Variants in OPCML observed in about 807,000 individuals in gnomAD.
OPCML encodes the protein opioid-binding protein/cell adhesion molecule.
Under a neutral mutation model 37.8 loss-of-function variants are expected in OPCML, and 13 were observed. The ratio of observed to expected loss-of-function variants is 0.34; its 90% CI spans 0.22 to 0.55. The LOEUF (loss-of-function observed/expected upper bound fraction) is 0.55. OPCML is among the 20% of genes least tolerant of loss of function. OPCML has a pLI of 0.91. For synonymous variants in OPCML, 176 were observed against 168.8 expected, an observed-to-expected ratio of 1.04 and a Z score of -0.33; for missense variants, 341 against 435.6, an observed-to-expected ratio of 0.78 and a Z score of 1.93.
At position 133,206,286 on chromosome 11, in the gene OPCML, C is replaced by T. The variant is rs1269236858; in HGVS notation, c.62-263276G>A. Reference sequence around the variant, plus strand: ...GTGATTAAAGACAGTGAGCAGAACTCGCCATACTGAGGTCTGTTCCTGTTT... The same window carrying T: ...GTGATTAAAGACAGTGAGCAGAACTTGCCATACTGAGGTCTGTTCCTGTTT... On this transcript the variant is annotated intron_variant, in intron 1 of 7. Transcript: ENST00000524381. The surrounding 1 kb of genome is among the most constrained non-coding windows in gnomAD (Gnocchi z 4.7). 5.9e-5 allele frequency among the ~76,000 whole-genome samples: 9 copies of T among 152,286 alleles called. No homozygotes were observed. The highest frequency in any genetic ancestry group is 3.9e-4 in the Admixed American group (6 of 15,300).
chr11:132,643,941 G>T (rs1941007056), intron 3 of OPCML, among the ~76,000 whole-genome samples: 1 of 152,264 alleles, frequency 6.6e-6, no homozygotes, highest in East Asian at 1.9e-4. Flanking sequence ...TTGTCCTCAA[G>T]CAACCTGTAC....
Position 133,174,470 on chromosome 11 carries a change from A to G in OPCML, c.62-231460T>C, listed in dbSNP as rs759889620. Among the ~76,000 whole-genome samples the G allele has an allele frequency of 2.6e-5, 4 of 152,154 alleles. No homozygotes were observed. Among genetic ancestry groups the G allele is most frequent in the Non-Finnish European group, 5.9e-5 (4 of 68,036 alleles). On this transcript the variant is annotated intron_variant, in intron 1 of 7. Coordinates refer to ENST00000524381, the MANE Select transcript of OPCML (RefSeq NM_001012393.5). The surrounding 1 kb of genome is among the most constrained non-coding windows in gnomAD (Gnocchi z 4.6). ...AGACGAGTTAGAATAACATACCAAC[A>G]TTTAATTGTAATGACGTAAAGGTGA...
At chr11:132,764,086 C>G (rs79122037) in intron 2 of OPCML, among the ~76,000 whole-genome samples, 12 of 152,202 alleles carry the variant, frequency 7.9e-5, no homozygotes, top group African/African-American at 2.9e-4. Flanking sequence ...GGTAGCTGAT[C>G]AGCAGGAGGC....
intron 1 of OPCML, among the ~76,000 whole-genome samples, chr11:133,376,362 A>T (rs976674876): frequency 6.6e-6 from 1 of 152,244 alleles, no homozygotes; most frequent in Non-Finnish European, 1.5e-5. Flanking sequence ...CCAATGACAC[A>T]GGATTAGTTA....
chr11:132,622,868 T>C (rs185168277), intron 3 of OPCML, among the ~76,000 whole-genome samples: 2 of 152,242 alleles, frequency 1.3e-5, no homozygotes, highest in East Asian at 3.9e-4. Flanking sequence ...GGAAAAGAAT[T>C]TGGAATCAGA....
chr11:132,482,564 A>G (rs1779880410), intron 4 of OPCML, among the ~76,000 whole-genome samples: 1 of 152,266 alleles, frequency 6.6e-6, no homozygotes, highest in African/African-American at 2.4e-5. Flanking sequence ...TCCCTAACTC[A>G]TTTTATGAGT....
intron 1 of OPCML, among the ~76,000 whole-genome samples, chr11:133,371,537 AGAGT>A (rs1944676543): frequency 6.6e-6 from 1 of 152,132 alleles, no homozygotes; most frequent in Non-Finnish European, 1.5e-5. Context: ...TGTTCTTGTG[AGAGT>A]GAGTCAGTTC....
chr11:133,499,783 T>C (rs1268884473), intron 1 of OPCML, among the ~76,000 whole-genome samples: 1 of 142,282 alleles, frequency 7.0e-6, no homozygotes, highest in African/African-American at 2.7e-5. Context: ...TATATATATA[T>C]ATATACACAT....
At chr11:132,953,065 G>T (rs1444331914) in intron 1 of OPCML, among the ~76,000 whole-genome samples, 1 of 152,142 alleles carries the variant, frequency 6.6e-6, no homozygotes, top group Non-Finnish European at 1.5e-5. Context: ...GAGAACTTTA[G>T]AATCTAAGGA....
intron 2 of OPCML, among the ~76,000 whole-genome samples, chr11:132,826,051 T>C (rs1940309896): frequency 6.6e-6 from 1 of 152,212 alleles, no homozygotes; most frequent in African/African-American, 2.4e-5. Context: ...TGCAAAGACG[T>C]GGCTACTGTT....
intron 4 of OPCML, among the ~76,000 whole-genome samples, chr11:132,492,459 C>CA (rs2096219040): frequency 6.6e-6 from 1 of 152,012 alleles, no homozygotes; most frequent in Non-Finnish European, 1.5e-5. Flanking sequence ...TCAAGGATGA[C>CA]ACCATTATTT....
At chr11:133,008,327 A>C (rs770699092) in intron 1 of OPCML, 196 of 985,288 alleles carry the variant, frequency 2.0e-4, no homozygotes, top group Non-Finnish European at 2.3e-4. Context: ...AACTAAAATG[A>C]AAATGGGAAA....
chr11:132,871,466 T>A (rs1318306301), intron 2 of OPCML, among the ~76,000 whole-genome samples: 1 of 152,254 alleles, frequency 6.6e-6, no homozygotes, highest in Non-Finnish European at 1.5e-5. Context: ...ACTGTTTACA[T>A]AATGTTTACA....
intron 2 of OPCML, among the ~76,000 whole-genome samples, chr11:132,830,045 G>A (rs1020279373): frequency 6.6e-5 from 10 of 152,124 alleles, no homozygotes; most frequent in Admixed American, 6.5e-4. Flanking sequence ...CAGCGTGTAT[G>A]GCACCGCTGG....
chr11:132,561,248 T>C (rs1358118812), intron 3 of OPCML, among the ~76,000 whole-genome samples: 3 of 151,578 alleles, frequency 2.0e-5, no homozygotes, highest in Non-Finnish European at 2.9e-5. Flanking sequence ...AACTACCTGC[T>C]ACCTGGCTTG....
rs547969051 is a variant in OPCML at position 133,430,506 on chromosome 11, T to C, written c.61+101758A>G. Among the ~76,000 whole-genome samples, 3 of 152,244 alleles carry C rather than the reference T, an allele frequency of 2.0e-5. No homozygotes were observed. The East Asian group carries it at 5.8e-4, about 29-fold the overall frequency. ...AATATAGGTGAATAACTATCTAATG[T>C]TGGGATGGGGATGGATAATCTAAGC... On this transcript the variant is annotated intron_variant, in intron 1 of 7. Transcript: ENST00000524381.
chr11:133,353,268 A>T (rs1036118620), intron 1 of OPCML, among the ~76,000 whole-genome samples: 1 of 151,904 alleles, frequency 6.6e-6, no homozygotes, highest in East Asian at 1.9e-4. Flanking sequence ...CCAGGTTCAA[A>T]CAATTCTCTG....
chr11:133,400,953 T>C (rs1357647969), intron 1 of OPCML, among the ~76,000 whole-genome samples: 1 of 152,224 alleles, frequency 6.6e-6, no homozygotes, highest in Middle Eastern at 3.2e-3. Context: ...ACCCTTTTCC[T>C]GCTACCACCC....
intron 1 of OPCML, among the ~76,000 whole-genome samples, chr11:133,047,121 A>C (rs1210878061): frequency 6.6e-6 from 1 of 152,206 alleles, no homozygotes; most frequent in Non-Finnish European, 1.5e-5. Context: ...CTCATGGAGG[A>C]AACTCAGGAG....
Sources: gnomAD v4.1 joint callset for allele counts (sites outside exome capture counted in the v4.1 genomes callset) on GRCh38, gnomAD v4.1.1 for gene constraint, Gnocchi (gnomAD v3.1) non-coding constraint, MANE v1.5 for transcripts, NCBI Gene and HGNC (gene_info 2026-07-23, HGNC 2026-07-21) for gene names.